Variants in ZSCAN29 observed in about 807,000 individuals in gnomAD.
The protein encoded by ZSCAN29 is zinc finger and SCAN domain containing 29, also known as zinc finger and SCAN domain-containing protein 29.
In ZSCAN29, 55 loss-of-function variants were observed where a neutral mutation model predicts 71.9. The ratio of observed to expected loss-of-function variants is 0.76; its 90% confidence interval spans 0.62 to 0.96. The LOEUF (loss-of-function observed/expected upper bound fraction) is 0.96. Ranked by LOEUF, ZSCAN29 falls within the 40% of genes least tolerant of loss-of-function variation. The pLI is 0.00. For synonymous variants in ZSCAN29, 351 were observed against 371.6 expected, an observed-to-expected ratio of 0.94 and a Z score of 0.64; for missense variants, 1,042 against 1,042.2, an observed-to-expected ratio of 1.00 and a Z score of 0.00.
At position 43,368,387 on chromosome 15, in the gene ZSCAN29, G is replaced by A. The variant is rs1253127711; in HGVS notation, c.523+536C>T. Among the ~76,000 whole-genome samples the A allele has an allele frequency of 4.2e-5, 4 of 95,008 alleles. 2 individuals carry two copies. The East Asian group carries it at 1.1e-3, about 27-fold the overall frequency. The allele number at this position is 95,008 out of a possible 152,430, so 62.3% of individuals were successfully genotyped here. A position where few individuals can be genotyped will look rare whatever the true frequency, so the allele number is the denominator to read the frequency against. ...AAAAATACAAAAAAATTAGCCGGGC[G>A]TAGTGGCGGGCGCCTGTAGTCCCAG... On this transcript the variant is annotated intron_variant, in intron 3 of 5. Coordinates refer to ENST00000684362, the MANE Select transcript of ZSCAN29 (RefSeq NM_001372080.1).
intron 4 of ZSCAN29, 77 bp from the exon 5 acceptor site, chr15:43,364,459 A>G (rs756609678): frequency 3.1e-6 from 4 of 1,311,144 alleles, no homozygotes; most frequent in Middle Eastern, 1.8e-4. Flanking sequence ...TATCATCTGC[A>G]TCATGAGAAT....
At chr15:43,370,156 T>C in intron 1 of ZSCAN29, 131 bp from the exon 2 acceptor site, 1 of 471,204 alleles carries the variant, frequency 2.1e-6, no homozygotes, top group Admixed American at 3.9e-5. Context: ...AAATAGACTT[T>C]GCAAAAACTG....
rs2044045031 is a variant in ZSCAN29 at position 43,366,806 on chromosome 15, A to G, written c.526T>C (p.Leu176=). 4 of 1,603,532 alleles carry G rather than the reference A, an allele frequency of 2.5e-6. No homozygotes were observed. The highest frequency in any genetic ancestry group is 1.1e-5 in the South Asian group (1 of 89,190). Reference sequence around the variant, plus strand: ...ACCACACCGGATTTAGGAAATGGCAATCCTGCTTGCAGGGAAACAAACAAA... The same window carrying G: ...ACCACACCGGATTTAGGAAATGGCAGTCCTGCTTGCAGGGAAACAAACAAA... ...EKLKPFQRSG[L]PFPKSGVVSR... is the part of the protein sequence containing the mutation. The change falls in exon 4 of 6, where the codon TTG becomes CTG. Residue 176 remains leucine, a splice_region_variant and synonymous_variant. Coordinates refer to ENST00000684362, the MANE Select transcript of ZSCAN29 (RefSeq NM_001372080.1).
chr15:43,364,219 C>A lies in ZSCAN29; in HGVS notation c.1386G>T (p.Arg462=). 3 of 1,614,204 alleles carry A rather than the reference C, an allele frequency of 1.9e-6. No individual in the cohort carries two copies. The highest frequency in any genetic ancestry group is 2.5e-6 in the Non-Finnish European group (3 of 1,180,046). ...YGFLRTPEQC[R]TKFKSLQTSY... ...TGGTTTGCAGGCTTTTAAACTTGGT[C>A]CGACACTGTTCTGGGGTCCTAAGAA... The change falls in exon 5 of 6, where the codon CGG becomes CGT. Residue 462 remains arginine, a synonymous_variant. Transcript: ENST00000684362.
rs1297624535 is a variant in ZSCAN29, at chr15:43,361,776, T to A, written c.1856A>T (p.Lys619Met). 1 of 1,614,104 alleles carries A rather than the reference T, an allele frequency of 6.2e-7. No individual in the cohort carries two copies. The highest frequency in any genetic ancestry group is 1.3e-5 in the African/African-American group (1 of 74,944). The change falls in exon 6 of 6, where the codon AAG becomes ATG. Residue 619 changes from lysine to methionine, a missense_variant. Transcript: ENST00000684362. ...SDCRSGRQWAKTSGEKRGKLT... is the reference protein window; with the variant it reads ...SDCRSGRQWAMTSGEKRGKLT... ...TTTTCCTCTTTTCTCCCCTGAGGTC[T>A]TTGCCCACTGTCTTCCTGATCTACA...
chr15:43,370,953 A>T lies in ZSCAN29; in HGVS notation c.-508T>A. 1 of 210,492 alleles carries T rather than the reference A, an allele frequency of 4.8e-6. No individual in the cohort carries two copies. The allele number at this position is 210,492 out of a possible 1,614,324, so 13.0% of individuals were successfully genotyped here. A position where few individuals can be genotyped will look rare whatever the true frequency, so the allele number is the denominator to read the frequency against. ...GCATCCTTGCCTCCGGGCCAGCCTC[A>T]CCCACTCGGGGTCCGACCCTGACCC... On this transcript the variant is annotated 5_prime_UTR_variant, in exon 1 of 6. Transcript: ENST00000684362.
Position 43,369,860 on chromosome 15 carries a change from T to C in ZSCAN29, c.54A>G (p.Arg18=), listed in dbSNP as rs758227844. 10 of 1,612,968 alleles carry C rather than the reference T, an allele frequency of 6.2e-6. No individual in the cohort carries two copies. The Admixed American group carries it at 1.2e-4, about 19-fold the overall frequency. The change falls in exon 2 of 6, where the codon CGA becomes CGG. Residue 18 remains arginine, a synonymous_variant. Coordinates refer to ENST00000684362, the MANE Select transcript of ZSCAN29 (RefSeq NM_001372080.1). ...RENGTNSETF[R]QRFRRFHYQE... ...GGTAATGGAATCTCCTGAAACGCTG[T>C]CGGAAGGTCTCAGAGTTAGTGCCAT...
Position 43,366,686 on chromosome 15 carries a change from CTCG to C in ZSCAN29, c.643_645del (p.Arg215del). On this transcript the variant is annotated inframe_deletion, in exon 4 of 6. Transcript: ENST00000684362. ...TTGGATGGTAACAGATCAGCATGCA[CTCG>C]TCTGTCTCCTATGTGGCTGCCACTT... is the stretch of plus-strand genomic sequence containing the variant. 3.1e-6 allele frequency: 5 copies of C among 1,614,234 alleles called. No individual in the cohort carries two copies. Among genetic ancestry groups the C allele is most frequent in the Non-Finnish European group, 4.2e-6 (5 of 1,180,042 alleles).
chr15:43,359,592 C>CT lies in ZSCAN29; in HGVS notation c.*1480dup, dbSNP rs1204898681. On this transcript the variant is annotated 3_prime_UTR_variant, in exon 6 of 6. Transcript: ENST00000684362. ...ATACACGGGAATGTGGCAGTGGCTT[C>CT]TGCTTATTGCAGGTAAGTGCCCATG... 1.3e-5 allele frequency: 2 copies of CT among 152,240 alleles called. No individual in the cohort carries two copies. The highest frequency in any genetic ancestry group is 2.9e-5 in the Non-Finnish European group (2 of 68,048). The allele number at this position is 152,240 out of a possible 1,614,324, so 9.4% of individuals were successfully genotyped here.
In ZSCAN29 at chr15:43,366,377, CAGGT is replaced by C. The variant is rs1566883595; in HGVS notation, c.951_954del (p.Pro318ArgfsTer12). 8 of 1,614,096 alleles carry C rather than the reference CAGGT, an allele frequency of 5.0e-6. No homozygotes were observed. The highest frequency in any genetic ancestry group is 1.7e-5 in the Admixed American group (1 of 60,024). ...ATCTCTTCAAAGAAGGGGCAGGTCT[CAGGT>C]GGGTGGCCGCTCTTGACTTTCCGAT... On this transcript the variant is annotated frameshift_variant, in exon 4 of 6. Transcript: ENST00000684362. LOFTEE classifies it high-confidence loss of function.
rs752609459 is a variant in ZSCAN29, at chr15:43,361,744, G to T, written c.1888C>A (p.Leu630Ile). Residue 630 changes from leucine to isoleucine, a missense_variant, in exon 6 of 6, where the codon CTC becomes ATC. Leu to Ile is a conservative substitution (Grantham distance 5, BLOSUM62 2). Transcript: ENST00000684362. ...ACTTCACTTAAGCTCTTCTCCGGGAGTGTCAGTTTTCCTCTTTTCTCCCCT... is the reference window on the plus strand; with the variant it reads ...ACTTCACTTAAGCTCTTCTCCGGGATTGTCAGTTTTCCTCTTTTCTCCCCT... ...TSGEKRGKLT[L>I]PEKSLSEVLS... 6.2e-6 allele frequency: 10 copies of T among 1,614,202 alleles called. No homozygotes were observed. Among genetic ancestry groups the T allele is most frequent in the Non-Finnish European group, 8.5e-6 (10 of 1,180,044 alleles).
At chr15:43,363,031 G>A (rs372514588) in intron 5 of ZSCAN29, among the ~76,000 whole-genome samples, 11 of 151,668 alleles carry the variant, frequency 7.3e-5, no homozygotes, top group African/African-American at 2.7e-4. Flanking sequence ...AGGCAGGAGT[G>A]CAATGGCACG....
In ZSCAN29 at chr15:43,366,045, C is replaced by T. The variant is rs181941476; in HGVS notation, c.1222+65G>A. On this transcript the variant is annotated intron_variant, in intron 4 of 5. Transcript: ENST00000684362. ...TGGCATGTGACATTAAGCCTTCTGACTCCACATCCAGTCTCTTTGTTCCCC... is the reference window on the plus strand; with the variant it reads ...TGGCATGTGACATTAAGCCTTCTGATTCCACATCCAGTCTCTTTGTTCCCC... 69 of 1,501,096 alleles carry T rather than the reference C, an allele frequency of 4.6e-5. 1 individual carries two copies. The African/African-American group carries it at 7.1e-4, about 16-fold the overall frequency. The allele number at this position is 1,501,096 out of a possible 1,614,324, so 93.0% of individuals were successfully genotyped here. A position where few individuals can be genotyped will look rare whatever the true frequency, so the allele number is the denominator to read the frequency against.
At chr15:43,370,106 T>C in intron 1 of ZSCAN29, 81 bp from the exon 2 acceptor site, 1 of 628,470 alleles carries the variant, frequency 1.6e-6, no homozygotes, top group Non-Finnish European at 2.7e-6. Flanking sequence ...TGCCTTTCCA[T>C]GTGCTCCGAG....
At position 43,361,450 on chromosome 15, in the gene ZSCAN29, G is replaced by T. The variant is rs1342361445; in HGVS notation, c.2182C>A (p.His728Asn). Residue 728 changes from histidine to asparagine, a missense_variant, in exon 6 of 6, where the codon CAC becomes AAC. Physicochemically the swap from His to Asn is moderately conservative, Grantham distance 68. Coordinates refer to ENST00000684362, the MANE Select transcript of ZSCAN29 (RefSeq NM_001372080.1). ...CATTGATAAGGTTTCTCTCCTGTGT[G>T]GATTCTCCTATGGGTGATGAAATTT... Reference protein sequence around the residue: ...SSNFITHRRIHTGEKPYQCGE... With the variant: ...SSNFITHRRINTGEKPYQCGE... 6.2e-7 allele frequency: 1 copy of T among 1,613,424 alleles called. No homozygotes were observed. Among genetic ancestry groups the T allele is most frequent in the African/African-American group, 1.3e-5 (1 of 74,896 alleles).
chr15:43,368,525 CAAAAAAAAAAAA>C (rs759913932), intron 3 of ZSCAN29, among the ~76,000 whole-genome samples: 30 of 10,226 alleles, frequency 2.9e-3, no homozygotes, highest in Non-Finnish European at 3.5e-3. Flanking sequence ...GACTCCGTCT[CAAAAAAAAAAAA>C]AAAAAAAAAA....
In ZSCAN29 at chr15:43,367,540, G is replaced by A. The variant is rs527839863; in HGVS notation, c.524-732C>T. 4.6e-5 allele frequency among the ~76,000 whole-genome samples: 7 copies of A among 152,122 alleles called. No homozygotes were observed. In the East Asian group the frequency reaches 5.8e-4, roughly 13 times the overall value. On this transcript the variant is annotated intron_variant, in intron 3 of 5. Transcript: ENST00000684362. ...GCCAGTGCCCTCAAGAAGCCTTACC[G>A]TCAGCCCTCCCTCATCTCCCACTCT... is the stretch of plus-strand genomic sequence containing the variant.
Position 43,368,951 on chromosome 15 carries a change from C to T in ZSCAN29, c.495G>A (p.Lys165=). The T allele has an allele frequency of 1.2e-6, 2 of 1,610,722 alleles. No homozygotes were observed. Among genetic ancestry groups the T allele is most frequent in the South Asian group, 1.1e-5 (1 of 90,354 alleles). Residue 165 remains lysine, a synonymous_variant, in exon 3 of 6, where the codon AAG becomes AAA. Coordinates refer to ENST00000684362, the MANE Select transcript of ZSCAN29 (RefSeq NM_001372080.1). ...TCCTTTGAAAAGGTTTGAGCTTCTC[C>T]TTTGGGTTCATCTGCTCCTGTGGTC... ...DLGPQEQMNP[K]EKLKPFQRSG...
chr15:43,368,868 C>A, intron 3 of ZSCAN29, 55 bp downstream of exon 3: 10 of 1,492,836 alleles, frequency 6.7e-6, no homozygotes, highest in Non-Finnish European at 8.1e-6. Context: ...TATTCCCAAC[C>A]CTACTTCCCA....
Sources: gnomAD v4.1 joint callset for allele counts (sites outside exome capture counted in the v4.1 genomes callset) on GRCh38, gnomAD v4.1.1 for gene constraint, MANE v1.5 for transcripts, NCBI Gene and HGNC (gene_info 2026-07-23, HGNC 2026-07-21) for gene names.